The following PCNX2 variants were observed in gnomAD, a reference collection of about 807,000 sequenced individuals.
PCNX2 encodes the protein pecanex-like protein 2.
Under a neutral mutation model 223.8 loss-of-function variants are expected in PCNX2, and 168 were observed. That is an observed-to-expected ratio of 0.75 (90% CI 0.66 to 0.85). PCNX2 has a LOEUF of 0.85. PCNX2 is among the 40% of genes least tolerant of loss of function. The pLI is 0.00. For missense variants in PCNX2, 2,507 were observed against 2,675.5 expected (o/e 0.94, Z 1.39); for synonymous variants, 1,006 against 1,052.6 (o/e 0.96, Z 0.86).
chr1:233,102,241 A>T (rs1674524807), intron 21 of PCNX2, among the ~76,000 whole-genome samples: 1 of 152,132 alleles, frequency 6.6e-6, no homozygotes, highest in Non-Finnish European at 1.5e-5. Flanking sequence ...AATAAATTCC[A>T]TTGTGTATAT....
At chr1:233,017,209 A>C in intron 26 of PCNX2, 55 bp from the exon 27 acceptor site, 1 of 1,398,294 alleles carries the variant, frequency 7.2e-7, no homozygotes, top group Non-Finnish European at 9.8e-7. Context: ...TAGAAAGTAA[A>C]TCAACCTCAG....
intron 15 of PCNX2, among the ~76,000 whole-genome samples, chr1:233,188,610 C>T (rs1182299931): frequency 1.3e-5 from 2 of 151,520 alleles, no homozygotes; most frequent in Non-Finnish European, 2.9e-5. Context: ...GCAACCTCTG[C>T]CTCCTGGGTT....
intron 21 of PCNX2, among the ~76,000 whole-genome samples, chr1:233,100,485 C>T (rs1473483769): frequency 2.0e-5 from 3 of 150,848 alleles, no homozygotes; most frequent in African/African-American, 7.3e-5. Flanking sequence ...AGGAAAGTCA[C>T]CATAAATACT....
chr1:233,275,868 A>G (rs748135805), intron 1 of PCNX2, among the ~76,000 whole-genome samples: 5 of 151,980 alleles, frequency 3.3e-5, no homozygotes, highest in African/African-American at 4.8e-5. Flanking sequence ...CGTCTCTACT[A>G]AAAATAGAAA....
intron 21 of PCNX2, among the ~76,000 whole-genome samples, chr1:233,129,988 A>G (rs965119491): frequency 2.6e-5 from 4 of 152,182 alleles, no homozygotes; most frequent in African/African-American, 7.2e-5. Context: ...TTTATGAGCT[A>G]TAAGACTCAC....
chr1:233,177,687 T>C lies in PCNX2; in HGVS notation c.3273+115A>G. 6.0e-6 allele frequency: 5 copies of C among 836,596 alleles called. No homozygotes were observed. The South Asian group carries it at 7.7e-5, about 13-fold the overall frequency. The allele number at this position is 836,596 out of a possible 1,614,324, so 51.8% of individuals were successfully genotyped here. ...AGTGTGCCAGGTACCAAGCGAGGTGTATCTTTCTGTCCTAGTCCTTCTCAT... is the reference window on the plus strand; with the variant it reads ...AGTGTGCCAGGTACCAAGCGAGGTGCATCTTTCTGTCCTAGTCCTTCTCAT... On this transcript the variant is annotated intron_variant, in intron 17 of 33. Transcript: ENST00000258229.
intron 8 of PCNX2, 92 bp from the exon 9 acceptor site, chr1:233,237,072 C>G (rs1278647337): frequency 6.6e-7 from 1 of 1,508,100 alleles, no homozygotes; most frequent in African/African-American, 1.4e-5. Context: ...TAGGAATGCC[C>G]AAAGCAGGTA....
At position 233,126,697 on chromosome 1, in the gene PCNX2, G is replaced by A. The variant is rs1243544190; in HGVS notation, c.3837+8316C>T. The stretch of plus-strand genomic sequence containing the variant: ...TTTATCATGATAAGAATATATTTAG[G>A]TATTACTTAAGTAAATTTAAAAAAT... On this transcript the variant is annotated intron_variant, in intron 21 of 33. Transcript: ENST00000258229. This position sits in a 1 kb window ranked among gnomAD's most constrained non-coding sequence, Gnocchi z 4.8. Among the ~76,000 whole-genome samples the A allele has an allele frequency of 6.6e-6, 1 of 151,916 alleles. No individual in the cohort carries two copies. Among genetic ancestry groups the A allele is most frequent in the East Asian group, 1.9e-4 (1 of 5,192 alleles).
At chr1:233,195,761 C>A (rs1680689599) in intron 15 of PCNX2, among the ~76,000 whole-genome samples, 1 of 152,076 alleles carries the variant, frequency 6.6e-6, no homozygotes, top group South Asian at 2.1e-4. Flanking sequence ...ATACTCCTGA[C>A]CTGAGAACGA....
At chr1:233,169,871 G>C (rs1446370730) in intron 17 of PCNX2, among the ~76,000 whole-genome samples, 1 of 148,130 alleles carries the variant, frequency 6.8e-6, no homozygotes, top group Admixed American at 6.8e-5. Flanking sequence ...TCATTTTCTT[G>C]CTTGAAAAAA....
At chr1:233,315,941 C>G in the PCNX2 span, among the ~76,000 whole-genome samples, 3 of 152,156 alleles carry the variant, frequency 2.0e-5, no homozygotes, top group Non-Finnish European at 4.4e-5. Flanking sequence ...TTTCATCAGA[C>G]AAATGTGCAA....
At chr1:233,157,411 T>C (rs919734180) in intron 19 of PCNX2, among the ~76,000 whole-genome samples, 6 of 152,200 alleles carry the variant, frequency 3.9e-5, no homozygotes, top group African/African-American at 1.2e-4. Context: ...ACATATGCCT[T>C]ATCTTACTGT....
intron 21 of PCNX2, among the ~76,000 whole-genome samples, chr1:233,121,352 AAAC>A (rs1270117201): frequency 1.3e-5 from 2 of 152,208 alleles, no homozygotes; most frequent in African/African-American, 2.4e-5. Flanking sequence ...ATGAAAGGCA[AAAC>A]AACAACAGTA....
chr1:233,054,013 T>A (rs550468550), intron 25 of PCNX2, among the ~76,000 whole-genome samples: 53 of 152,298 alleles, frequency 3.5e-4, no homozygotes, highest in South Asian at 8.3e-4. Context: ...AGGATTAAAA[T>A]CAATATCCTG....
At chr1:233,159,615 A>T (rs184817408) in intron 19 of PCNX2, among the ~76,000 whole-genome samples, 6 of 152,340 alleles carry the variant, frequency 3.9e-5, no homozygotes, top group African/African-American at 1.4e-4. Context: ...CCATTCAAGC[A>T]CAGAACAGGG....
chr1:233,312,010 C>G, the PCNX2 span, among the ~76,000 whole-genome samples: 1 of 152,094 alleles, frequency 6.6e-6, no homozygotes, highest in South Asian at 2.1e-4. Context: ...GCCTATAGTC[C>G]CAGCTACTTG....
At chr1:233,210,688 T>C in intron 12 of PCNX2, 1 of 978,386 alleles carries the variant, frequency 1.0e-6, no homozygotes, top group Non-Finnish European at 1.2e-6. Flanking sequence ...AAGGACTGAT[T>C]TTTTAATTTT....
rs777241840 is a variant in PCNX2, at chr1:233,236,830, C to A, written c.2358+15G>T. ...TCCAGAACATCCACAAACAGCAATT[C>A]TGGAATGTACGTACCCGTGGGGTTT... On this transcript the variant is annotated intron_variant, in intron 9 of 33. Coordinates refer to ENST00000258229, the MANE Select transcript of PCNX2 (RefSeq NM_014801.4). The A allele has an allele frequency of 6.8e-6, 11 of 1,609,838 alleles. No individual in the cohort carries two copies. In the South Asian group the frequency reaches 1.2e-4, roughly 18 times the overall value.
chr1:233,124,212 G>A (rs16858690), intron 21 of PCNX2, among the ~76,000 whole-genome samples: 15,371 of 152,190 alleles, frequency 0.1, 1,116 homozygotes, highest in East Asian at 0.43. Context: ...GACAATTTAA[G>A]TTTTATCAGA....
Sources: gnomAD v4.1 joint callset for allele counts (sites outside exome capture counted in the v4.1 genomes callset) on GRCh38, gnomAD v4.1.1 for gene constraint, Gnocchi (gnomAD v3.1) non-coding constraint, MANE v1.5 for transcripts, NCBI Gene and HGNC (gene_info 2026-07-23, HGNC 2026-07-21) for gene names.